Variants in TTN observed in about 807,000 individuals in gnomAD.
TTN encodes the protein connectin.
A neutral mutation model predicts 3,223.0 loss-of-function variants in TTN; 1,525 were observed. The observed-to-expected ratio is 0.47, with a 90% CI of 0.45 to 0.49. The LOEUF (loss-of-function observed/expected upper bound fraction) is 0.49, where lower values mean the gene tolerates loss of function less well. Ranked by LOEUF, TTN falls within the 20% of genes least tolerant of loss-of-function variation. The probability of loss-of-function intolerance (pLI) is 0.00; values close to 1 mark genes in which losing one functional copy is unlikely to be tolerated. For synonymous variants in TTN, 14,094 were observed against 15,161.0 expected, an observed-to-expected ratio of 0.93 and a Z score of 5.17; for missense variants, 40,786 against 43,424.0, an observed-to-expected ratio of 0.94 and a Z score of 5.40.
At chr2:178,676,092 G>A (rs1325821731) in intron 147 of TTN, 97 bp from the exon 148 acceptor site, 5 of 1,154,428 alleles carry the variant, frequency 4.3e-6, no homozygotes, top group Non-Finnish European at 6.1e-6. Flanking sequence ...TGTGTTAACA[G>A]TCGCTCAAGA....
chr2:178,548,935 A>G lies in TTN; in HGVS notation c.92691T>C (p.Ser30897=). 1 of 1,613,922 alleles carries G rather than the reference A, an allele frequency of 6.2e-7. No individual in the cohort carries two copies. The highest frequency in any genetic ancestry group is 8.5e-7 in the Non-Finnish European group (1 of 1,179,836). Residue 30897 remains serine, a synonymous_variant, in exon 339 of 363, where the codon AGT becomes AGC. Coordinates refer to ENST00000589042, the MANE Select transcript of TTN (RefSeq NM_001267550.2). The surrounding 1 kb of genome is among the most constrained non-coding windows in gnomAD (Gnocchi z 4.3). Reference sequence around the variant, plus strand: ...CGCCTTTTCCAGCACCATTGATAGCACTAACTCGGAATTTGTATTCTTCAC... The same window carrying G: ...CGCCTTTTCCAGCACCATTGATAGCGCTAACTCGGAATTTGTATTCTTCAC... ...QAGEEYKFRV[S]AINGAGKGDS... is the part of the protein sequence containing the mutation.
At chr2:178,558,905 T>TA in intron 326 of TTN, 1 of 465,944 alleles carries the variant, frequency 2.1e-6, no homozygotes. Context: ...ACCATGGGGA[T>TA]AAAAAAGAGG....
chr2:178,675,575 C>A, intron 149 of TTN, 96 bp downstream of exon 149: 1 of 948,218 alleles, frequency 1.1e-6, no homozygotes, highest in Non-Finnish European at 1.4e-6. Flanking sequence ...AATGACAGAC[C>A]ATACAATGCA....
At chr2:178,713,615 T>C (rs1381171048) in intron 92 of TTN, 2 of 692,424 alleles carry the variant, frequency 2.9e-6, no homozygotes, top group African/African-American at 1.8e-5. Flanking sequence ...TGAAGAATTA[T>C]GTGGTGAATT....
At chr2:178,559,260 TCTAGCAAAA>T in intron 326 of TTN, 42 bp downstream of exon 326, 1 of 1,486,380 alleles carries the variant, frequency 6.7e-7, no homozygotes, top group Non-Finnish European at 9.1e-7. Context: ...CTCACACTAT[TCTAGCAAAA>T]TTAACGTGGA....
intron 65 of TTN, 37 bp from the exon 66 acceptor site, chr2:178,728,815 G>T (rs1340198808): frequency 6.3e-7 from 1 of 1,580,370 alleles, no homozygotes; most frequent in South Asian, 1.2e-5. Flanking sequence ...AGTTACATTG[G>T]TAACTCCACT....
Position 178,791,455 on chromosome 2 carries a change from C to T in TTN, c.1663-610G>A, listed in dbSNP as rs755412539. On this transcript the variant is annotated intron_variant, in intron 10 of 362. Transcript: ENST00000589042. The stretch of plus-strand genomic sequence containing the variant: ...ACACTTAAAGGTTTGATTTCACATA[C>T]GGGAGAGATGTGGATTTTAGTGACA... Among the ~76,000 whole-genome samples, 97 of 152,096 alleles carry T rather than the reference C, an allele frequency of 6.4e-4. 1 individual carries two copies. Among genetic ancestry groups the T allele is most frequent in the Non-Finnish European group, 2.2e-4 (15 of 68,030 alleles).
At chr2:178,771,634 C>G (rs1013275907) in intron 33 of TTN, among the ~76,000 whole-genome samples, 163 bp from the exon 34 acceptor site, 33 of 152,216 alleles carry the variant, frequency 2.2e-4, no homozygotes, top group African/African-American at 7.7e-4. Context: ...CCAAAGAAAT[C>G]CCTTATTCTA....
chr2:178,745,937 C>T (rs1383177370), intron 47 of TTN: 1 of 1,609,470 alleles, frequency 6.2e-7, no homozygotes. Context: ...CATTAAACTG[C>T]TTAAAGTCAC....
Position 178,771,260 on chromosome 2 carries a change from A to G in TTN, c.8067T>C (p.Tyr2689=), listed in dbSNP as rs772918817. The change falls in exon 34 of 363, where the codon TAT becomes TAC. Residue 2689 remains tyrosine, a synonymous_variant. Coordinates refer to ENST00000589042, the MANE Select transcript of TTN (RefSeq NM_001267550.2). ...AATKLDDIGE[Y]TYKVATSKTS... ...TTTTGGAGGTGGCCACCTTGTAGGT[A>G]TATTCTCCAATGTCATCTAATTTGG... 8.1e-6 allele frequency: 13 copies of G among 1,613,984 alleles called. No individual in the cohort carries two copies. Among genetic ancestry groups the G allele is most frequent in the Non-Finnish European group, 1.1e-5 (13 of 1,180,010 alleles).
Position 178,605,456 on chromosome 2 carries a change from C to A in TTN, c.53839G>T (p.Glu17947Ter). 1 of 1,610,738 alleles carries A rather than the reference C, an allele frequency of 6.2e-7. No homozygotes were observed. Among genetic ancestry groups the A allele is most frequent in the South Asian group, 1.1e-5 (1 of 90,648 alleles). The change falls in exon 279 of 363, where the codon GAA becomes TAA. Residue 17947 changes from glutamate to a stop codon, truncating the protein, a stop_gained. Coordinates refer to ENST00000589042, the MANE Select transcript of TTN (RefSeq NM_001267550.2). LOFTEE classifies it high-confidence loss of function. ...VKAVNEIGESEPSLPLNVVIQ... is the reference protein window; with the variant it reads ...VKAVNEIGES The stretch of plus-strand genomic sequence containing the variant: ...ACTACATTAAGAGGTAGGGATGGTT[C>A]ACTTTCACCAATTTCATTGACAGCT...
chr2:178,786,239 C>T lies in TTN; in HGVS notation c.2077-98G>A, dbSNP rs191470377. Reference sequence around the variant, plus strand: ...ACAGGCAGATGGCGTCCACATTATACAGCAGTGTTAACGTGTCTAGAAATG... The same window carrying T: ...ACAGGCAGATGGCGTCCACATTATATAGCAGTGTTAACGTGTCTAGAAATG... On this transcript the variant is annotated intron_variant, in intron 13 of 362. Coordinates refer to ENST00000589042, the MANE Select transcript of TTN (RefSeq NM_001267550.2). 2.2e-5 allele frequency: 28 copies of T among 1,280,130 alleles called. No individual in the cohort carries two copies. The East Asian group carries it at 6.8e-4, about 31-fold the overall frequency. The allele number at this position is 1,280,130 out of a possible 1,614,324, so 79.3% of individuals were successfully genotyped here. A position where few individuals can be genotyped will look rare whatever the true frequency, so the allele number is the denominator to read the frequency against.
intron 47 of TTN, chr2:178,749,843 G>A (rs759137058): frequency 6.2e-7 from 1 of 1,613,016 alleles, no homozygotes; most frequent in Non-Finnish European, 8.5e-7. Context: ...AACTGGCTGG[G>A]GCTCACCAGA....
rs912695787 is a variant in TTN at position 178,566,092 on chromosome 2, A to G, written c.80040T>C (p.Val26680=). Residue 26680 remains valine, a synonymous_variant, in exon 326 of 363, where the codon GTT becomes GTC. Coordinates refer to ENST00000589042, the MANE Select transcript of TTN (RefSeq NM_001267550.2). ...TCTGTGGTGGTCCTGGAGTGTCAAG[A>G]ACTTTCACAGTTACAAAAGCAGACT... ...GSKSAFVTVK[V]LDTPGPPQNL... 1 of 1,613,530 alleles carries G rather than the reference A, an allele frequency of 6.2e-7. No individual in the cohort carries two copies. Among genetic ancestry groups the G allele is most frequent in the African/African-American group, 1.3e-5 (1 of 74,898 alleles).
At chr2:178,804,685 G>C (rs910788513) in intron 1 of TTN, 30 bp from the exon 2 acceptor site, 1 of 1,600,666 alleles carries the variant, frequency 6.2e-7, no homozygotes, top group African/African-American at 1.3e-5. Flanking sequence ...AAATTAGGGT[G>C]TCCCAGCTAA....
chr2:178,793,678 T>C (rs1206052199), intron 8 of TTN, 137 bp from the exon 9 acceptor site: 17 of 1,174,698 alleles, frequency 1.4e-5, no homozygotes, highest in Non-Finnish European at 2.0e-5. Context: ...CGCACACCTG[T>C]AATCCCAGCT....
rs774349184 is a variant in TTN, at chr2:178,719,265, A to G, written c.24125T>C (p.Leu8042Ser). The change falls in exon 83 of 363, where the codon TTG becomes TCG. Residue 8042 changes from leucine to serine, a missense_variant. Transcript: ENST00000589042. Reference protein sequence around the residue: ...QSSFSENVCTLNLSLLEPSDT... With the variant: ...QSSFSENVCTSNLSLLEPSDT... ...GGAGGGCTCCAACAAGCTCAGATTCAAAGTACAGACGTTTTCCGAAAAGCT... is the reference window on the plus strand; with the variant it reads ...GGAGGGCTCCAACAAGCTCAGATTCGAAGTACAGACGTTTTCCGAAAAGCT... 1 of 1,613,776 alleles carries G rather than the reference A, an allele frequency of 6.2e-7. No individual in the cohort carries two copies. The highest frequency in any genetic ancestry group is 1.7e-5 in the Admixed American group (1 of 60,006).
At position 178,694,912 on chromosome 2, in the gene TTN, A is replaced by G. The variant is rs1268292683; in HGVS notation, c.31271-6T>C. On this transcript the variant is annotated splice_polypyrimidine_tract_variant and splice_region_variant and intron_variant, in intron 115 of 362. Coordinates refer to ENST00000589042, the MANE Select transcript of TTN (RefSeq NM_001267550.2). Reference sequence around the variant, plus strand: ...AATTACTGGCTTCTTTATAACTGCAAGCATTTTAGAGAAATTGCAGTACTT... The same window carrying G: ...AATTACTGGCTTCTTTATAACTGCAGGCATTTTAGAGAAATTGCAGTACTT... 2.6e-6 allele frequency: 4 copies of G among 1,533,818 alleles called. No homozygotes were observed.
At chr2:178,628,917 T>C (rs773591599) in intron 240 of TTN, 5 of 176,364 alleles carry the variant, frequency 2.8e-5, no homozygotes, top group South Asian at 1.4e-4. Flanking sequence ...GAACACTAAA[T>C]AGGATGGAGA....
Sources: allele counts gnomAD v4.1 joint callset (sites outside exome capture counted in the v4.1 genomes callset), GRCh38; gene constraint gnomAD v4.1.1; non-coding constraint Gnocchi (gnomAD v3.1); transcripts MANE v1.5; gene names NCBI Gene and HGNC (gene_info 2026-07-23, HGNC 2026-07-21).